LPP: variants seen among roughly 807,000 people sequenced by gnomAD.
LPP encodes LIM domain containing preferred translocation partner in lipoma.
LPP carries 38 observed loss-of-function variants against 60.4 expected under a neutral mutation model. That is an observed-to-expected ratio of 0.63 (90% confidence interval 0.49 to 0.83). The LOEUF (loss-of-function observed/expected upper bound fraction) is 0.83, where lower values mean the gene tolerates loss of function less well. Among genes scored for constraint, LPP ranks in the 40% least tolerant of loss-of-function variants. The probability of loss-of-function intolerance (pLI) is 0.00; values close to 1 mark genes in which losing one functional copy is unlikely to be tolerated. For synonymous variants in LPP, 328 were observed against 290.8 expected (o/e 1.13, Z -1.30); for missense variants, 902 against 783.6 (o/e 1.15, Z -1.80).
intron 5 of LPP, among the ~76,000 whole-genome samples, chr3:188,494,387 A>G (rs1471555410): frequency 6.6e-6 from 1 of 152,130 alleles, no homozygotes; most frequent in Non-Finnish European, 1.5e-5. Context: ...TTCATCGGTG[A>G]CTTTGCTTCT....
intron 6 of LPP, among the ~76,000 whole-genome samples, chr3:188,533,785 A>G (rs147189036): frequency 5.3e-5 from 8 of 152,328 alleles, no homozygotes; most frequent in Admixed American, 2.0e-4. Context: ...GTTAAATAAC[A>G]ATGATTTGGG....
intron 8 of LPP, among the ~76,000 whole-genome samples, chr3:188,717,852 T>C (rs949489545): frequency 1.3e-5 from 2 of 152,352 alleles, no homozygotes; most frequent in Admixed American, 1.3e-4. Flanking sequence ...AGTTTCACTC[T>C]TATTGACCAG....
chr3:188,290,272 G>A (rs942607756), intron 2 of LPP, among the ~76,000 whole-genome samples: 4 of 152,022 alleles, frequency 2.6e-5, no homozygotes, highest in South Asian at 4.2e-4. Context: ...CACCATGCCC[G>A]GTTCAACATG....
chr3:188,890,622 G>A lies in LPP; in HGVS notation c.*16143G>A, dbSNP rs1379152501. On this transcript the variant is annotated 3_prime_UTR_variant, in exon 12 of 12. Transcript: ENST00000617246. ...TATTTCTTTTTTCTGTAAAAGAGTT[G>A]CAACTACTTTATTATATTTAGAAAT... 2 of 172,012 alleles carry A rather than the reference G, an allele frequency of 1.2e-5. No homozygotes were observed. Among genetic ancestry groups the A allele is most frequent in the African/African-American group, 4.8e-5 (2 of 42,070 alleles). The allele number at this position is 172,012 out of a possible 1,614,324, so 10.7% of individuals were successfully genotyped here. A position where few individuals can be genotyped will look rare whatever the true frequency, so the allele number is the denominator to read the frequency against.
intron 2 of LPP, among the ~76,000 whole-genome samples, chr3:188,268,704 G>A (rs1382767968): frequency 6.6e-6 from 1 of 152,230 alleles, no homozygotes. Context: ...TCACAGTTAG[G>A]TAGAGAAGGA....
chr3:188,440,264 T>C (rs1793441046), intron 4 of LPP, among the ~76,000 whole-genome samples: 1 of 152,248 alleles, frequency 6.6e-6, no homozygotes, highest in Non-Finnish European at 1.5e-5. Flanking sequence ...TGAACTTTGC[T>C]GATTTTCAGT....
At chr3:188,360,987 G>T (rs1318600352) in intron 3 of LPP, among the ~76,000 whole-genome samples, 1 of 152,230 alleles carries the variant, frequency 6.6e-6, no homozygotes, top group Admixed American at 6.5e-5. Context: ...TATTGTTGAT[G>T]TTTTCTTTGT....
chr3:188,224,151 A>G (rs1169061350), intron 1 of LPP, among the ~76,000 whole-genome samples: 1 of 152,164 alleles, frequency 6.6e-6, no homozygotes, highest in Non-Finnish European at 1.5e-5. Context: ...CAAAGCAAGC[A>G]GTCACTTGAT....
intron 2 of LPP, among the ~76,000 whole-genome samples, chr3:188,296,638 G>A (rs543070090): frequency 6.6e-6 from 1 of 152,316 alleles, no homozygotes; most frequent in Non-Finnish European, 1.5e-5. Context: ...GAGTCACACA[G>A]AGGCAGATGG....
intron 7 of LPP, among the ~76,000 whole-genome samples, chr3:188,690,401 G>T (rs2149465308): frequency 6.6e-6 from 1 of 152,238 alleles, no homozygotes; most frequent in South Asian, 2.1e-4. Context: ...ATTTGTTGAA[G>T]CAAAAAATAT....
chr3:188,826,418 T>A (rs1755508883), intron 9 of LPP, among the ~76,000 whole-genome samples: 1 of 152,106 alleles, frequency 6.6e-6, no homozygotes, highest in Non-Finnish European at 1.5e-5. Context: ...TACCACATGG[T>A]CAGTACATTT....
chr3:188,579,951 T>A (rs1835684948), intron 6 of LPP, among the ~76,000 whole-genome samples: 1 of 151,922 alleles, frequency 6.6e-6, no homozygotes, highest in South Asian at 2.1e-4. Flanking sequence ...CAGTGAGCCA[T>A]GACTGTATCA....
intron 6 of LPP, among the ~76,000 whole-genome samples, chr3:188,560,403 T>A (rs1324907970): frequency 6.6e-6 from 1 of 152,136 alleles, no homozygotes; most frequent in Non-Finnish European, 1.5e-5. Context: ...CAATGCGATG[T>A]CAATGTCCTT....
chr3:188,462,460 A>G (rs1158974240), intron 4 of LPP, among the ~76,000 whole-genome samples: 1 of 147,130 alleles, frequency 6.8e-6, no homozygotes, highest in Admixed American at 6.8e-5. Flanking sequence ...AATTTATATG[A>G]GCTTCATATA....
At chr3:188,486,575 G>A (rs1466536805) in intron 5 of LPP, among the ~76,000 whole-genome samples, 1 of 152,070 alleles carries the variant, frequency 6.6e-6, no homozygotes, top group Non-Finnish European at 1.5e-5. Context: ...ATTTCTTGGG[G>A]AGTGTATTTT....
intron 9 of LPP, among the ~76,000 whole-genome samples, chr3:188,835,736 A>G (rs1222142115): frequency 6.6e-6 from 1 of 152,196 alleles, no homozygotes; most frequent in African/African-American, 2.4e-5. Flanking sequence ...ACGATGTGAC[A>G]AGTCTCTACC....
chr3:188,357,368 G>A (rs961190707), intron 3 of LPP, among the ~76,000 whole-genome samples: 5 of 152,128 alleles, frequency 3.3e-5, no homozygotes, highest in African/African-American at 1.2e-4. Context: ...TCTTTTAATA[G>A]CTGAAATCTA....
intron 9 of LPP, among the ~76,000 whole-genome samples, chr3:188,793,071 A>G (rs1744269387): frequency 6.6e-6 from 1 of 152,128 alleles, no homozygotes; most frequent in Non-Finnish European, 1.5e-5. Context: ...GGTGGCTGTC[A>G]GTGTCAGAGG....
chr3:188,288,386 C>T (rs549468534), intron 2 of LPP, among the ~76,000 whole-genome samples: 1 of 152,268 alleles, frequency 6.6e-6, no homozygotes, highest in South Asian at 2.1e-4. Flanking sequence ...AACCTCACAC[C>T]AGTCCCGTGA....
Sources: gnomAD v4.1 joint callset for allele counts (sites outside exome capture counted in the v4.1 genomes callset) on GRCh38, gnomAD v4.1.1 for gene constraint, MANE v1.5 for transcripts, NCBI Gene and HGNC (gene_info 2026-07-23, HGNC 2026-07-21) for gene names.